Variants in PIEZO2 observed in about 807,000 individuals in gnomAD.
The protein encoded by PIEZO2 is piezo-type mechanosensitive ion channel component 2.
In PIEZO2, 172 loss-of-function variants were observed where a neutral mutation model predicts 337.3. That is an observed-to-expected ratio of 0.51 (90% CI 0.45 to 0.58). PIEZO2 has a LOEUF of 0.58. PIEZO2 is among the 20% of genes least tolerant of loss of function. The pLI is 0.00. For missense variants in PIEZO2, 3,028 were observed against 3,391.3 expected (o/e 0.89, Z 2.66); for synonymous variants, 1,251 against 1,228.5 (o/e 1.02, Z -0.38).
intron 2 of PIEZO2, among the ~76,000 whole-genome samples, chr18:11,036,013 T>G (rs141727215): frequency 1.3e-5 from 2 of 152,164 alleles, no homozygotes; most frequent in South Asian, 2.1e-4. Context: ...CTGGGATCTG[T>G]CAATACAAGC....
rs543049788 is a variant in PIEZO2 at position 11,135,582 on chromosome 18, C to T, written c.64+12943G>A. Among the ~76,000 whole-genome samples the T allele has an allele frequency of 3.3e-5, 5 of 152,294 alleles. No individual in the cohort carries two copies. In the South Asian group the frequency reaches 8.3e-4, roughly 25 times the overall value. On this transcript the variant is annotated intron_variant, in intron 1 of 55. Transcript: ENST00000674853. ...TGATTGATTTAGATGGAGTCTAGCT[C>T]TGTTGCCCAGGCTGGAGTGCAATGG...
rs1202547495 is a variant in PIEZO2 at position 10,726,253 on chromosome 18, G to A, written c.5029+5154C>T. 1 of 765,620 alleles carries A rather than the reference G, an allele frequency of 1.3e-6. No individual in the cohort carries two copies. Among genetic ancestry groups the A allele is most frequent in the African/African-American group, 1.7e-5 (1 of 58,288 alleles). 47.4% of individuals were successfully genotyped at this position (765,620 alleles called of 1,614,324 possible). ...TGGGGCTGGAAGAGCTTGTGTGCGAGCCTGTGTTCGGGAGCATGAGAATGG... is the reference window on the plus strand; with the variant it reads ...TGGGGCTGGAAGAGCTTGTGTGCGAACCTGTGTTCGGGAGCATGAGAATGG... On this transcript the variant is annotated intron_variant, in intron 36 of 55. Coordinates refer to ENST00000674853, the MANE Select transcript of PIEZO2 (RefSeq NM_001378183.1). This position sits in a 1 kb window ranked among gnomAD's most constrained non-coding sequence, Gnocchi z 5.9.
At chr18:10,725,581 C>T (rs1567989185) in intron 36 of PIEZO2, 2 of 1,355,132 alleles carry the variant, frequency 1.5e-6, no homozygotes, top group Middle Eastern at 2.7e-4. Flanking sequence ...CTCCTGAGGT[C>T]GGGGCTTTCC....
At chr18:10,965,913 G>A (rs1347148217) in intron 3 of PIEZO2, among the ~76,000 whole-genome samples, 1 of 152,278 alleles carries the variant, frequency 6.6e-6, no homozygotes, top group Non-Finnish European at 1.5e-5. Flanking sequence ...AGGTCCATGA[G>A]GGGAAGGATA....
chr18:10,928,550 A>G (rs1008822364), intron 3 of PIEZO2, among the ~76,000 whole-genome samples: 1 of 152,240 alleles, frequency 6.6e-6, no homozygotes, highest in African/African-American at 2.4e-5. Context: ...CATAAATATT[A>G]TAAATAAAAT....
At chr18:11,011,064 A>C (rs1162683233) in intron 2 of PIEZO2, among the ~76,000 whole-genome samples, 2 of 152,234 alleles carry the variant, frequency 1.3e-5, no homozygotes, top group African/African-American at 4.8e-5. Flanking sequence ...GTTGGCCCTT[A>C]ACCACTCTAT....
intron 36 of PIEZO2, among the ~76,000 whole-genome samples, chr18:10,720,190 G>T (rs2036198166): frequency 2.0e-5 from 3 of 146,984 alleles, no homozygotes; most frequent in South Asian, 2.1e-4. Flanking sequence ...TTCATATATA[G>T]AGAGAGGATA....
Position 10,855,300 on chromosome 18 carries a change from C to T in PIEZO2, c.917+53G>A, listed in dbSNP as rs1010522884. On this transcript the variant is annotated intron_variant, in intron 7 of 55. Coordinates refer to ENST00000674853, the MANE Select transcript of PIEZO2 (RefSeq NM_001378183.1). The surrounding 1 kb of genome is among the most constrained non-coding windows in gnomAD (Gnocchi z 4.9). Reference sequence around the variant, plus strand: ...AATTCACAATGCCAAACCAAGGTCCCAAAGGCGTGGGGGGACAACCTCTCC... The same window carrying T: ...AATTCACAATGCCAAACCAAGGTCCTAAAGGCGTGGGGGGACAACCTCTCC... The T allele has an allele frequency of 3.5e-5, 51 of 1,445,590 alleles. No individual in the cohort carries two copies. In the African/African-American group the frequency reaches 6.5e-4, roughly 18 times the overall value. The allele number at this position is 1,445,590 out of a possible 1,614,324, so 89.5% of individuals were successfully genotyped here.
At chr18:10,791,476 G>A in intron 13 of PIEZO2, 152 bp from the exon 14 acceptor site, 1 of 810,132 alleles carries the variant, frequency 1.2e-6, no homozygotes, top group Non-Finnish European at 1.7e-6. Flanking sequence ...CTTGACTTCA[G>A]CTGAGATTCA....
chr18:10,687,991 T>G (rs541376839), intron 49 of PIEZO2, among the ~76,000 whole-genome samples: 69 of 152,362 alleles, frequency 4.5e-4, no homozygotes, highest in South Asian at 1.9e-3. Flanking sequence ...TACTTTATTT[T>G]ATTTGATTTT....
intron 1 of PIEZO2, among the ~76,000 whole-genome samples, chr18:11,073,138 C>T (rs1338523656): frequency 6.6e-6 from 1 of 152,164 alleles, no homozygotes; most frequent in Non-Finnish European, 1.5e-5. Flanking sequence ...TCACAACCTT[C>T]TAGTTACCAT....
chr18:11,014,835 T>TGTGG (rs2036049380), intron 2 of PIEZO2, among the ~76,000 whole-genome samples: 1 of 134,098 alleles, frequency 7.5e-6, no homozygotes, highest in Non-Finnish European at 1.6e-5. Flanking sequence ...CATTCCTCAG[T>TGTGG]GGAGAACATG....
Position 10,724,248 on chromosome 18 carries a change from C to T in PIEZO2, c.5030-5989G>A, listed in dbSNP as rs2036435288. Among the ~76,000 whole-genome samples the T allele has an allele frequency of 6.6e-6, 1 of 152,092 alleles. No homozygotes were observed. The highest frequency in any genetic ancestry group is 2.4e-5 in the African/African-American group (1 of 41,402). ...GTGGCTCATGCGTTTAATTCCAGCA[C>T]TTTGGGAGGCTGAGGTGGGAGGATC... On this transcript the variant is annotated intron_variant, in intron 36 of 55. Coordinates refer to ENST00000674853, the MANE Select transcript of PIEZO2 (RefSeq NM_001378183.1). The surrounding 1 kb of genome is among the most constrained non-coding windows in gnomAD (Gnocchi z 5.8).
At chr18:11,138,191 A>G (rs1486591512) in intron 1 of PIEZO2, among the ~76,000 whole-genome samples, 1 of 152,246 alleles carries the variant, frequency 6.6e-6, no homozygotes, top group Non-Finnish European at 1.5e-5. Flanking sequence ...CCTGTGTGTT[A>G]TAGTCCTTGC....
At chr18:10,955,292 G>A (rs996463154) in intron 3 of PIEZO2, among the ~76,000 whole-genome samples, 1 of 152,202 alleles carries the variant, frequency 6.6e-6, no homozygotes, top group African/African-American at 2.4e-5. Flanking sequence ...TTGGGCTCAG[G>A]TAGGAAAACG....
rs200920431 is a variant in PIEZO2 at position 10,857,116 on chromosome 18, C to T, written c.588G>A (p.Thr196=). The change falls in exon 6 of 56, where the codon ACG becomes ACA. Residue 196 remains threonine, a synonymous_variant. Coordinates refer to ENST00000674853, the MANE Select transcript of PIEZO2 (RefSeq NM_001378183.1). ...DGVEGELEES[T]KLKMFRRLAS... ...CAAGCCTGCGGAACATTTTTAACTT[C>T]GTGCTTTCTTCCAACTCGCCTTCAA... 1.0e-4 allele frequency: 154 copies of T among 1,537,772 alleles called. No individual in the cohort carries two copies. Among genetic ancestry groups the T allele is most frequent in the East Asian group, 5.9e-4 (24 of 40,918 alleles).
Position 10,702,177 on chromosome 18 carries a change from C to T in PIEZO2, c.6259-6G>A. On this transcript the variant is annotated splice_polypyrimidine_tract_variant and splice_region_variant and intron_variant, in intron 42 of 55. Coordinates refer to ENST00000674853, the MANE Select transcript of PIEZO2 (RefSeq NM_001378183.1). ...TACTTGACTACAATTGCCACCTACG[C>T]ACAGATGACAGAAATTTTAAAACAT... The T allele has an allele frequency of 6.5e-7, 1 of 1,532,418 alleles. No homozygotes were observed. The allele number at this position is 1,532,418 out of a possible 1,614,324, so 94.9% of individuals were successfully genotyped here.
intron 35 of PIEZO2, among the ~76,000 whole-genome samples, 108 bp downstream of exon 35, chr18:10,735,124 C>A (rs141310654): frequency 1.3e-5 from 2 of 152,086 alleles, no homozygotes; most frequent in African/African-American, 4.8e-5. Context: ...CTTCATGGTA[C>A]CATCTATAGA....
chr18:10,831,808 G>GA (rs1316304206), intron 7 of PIEZO2, among the ~76,000 whole-genome samples: 3 of 151,924 alleles, frequency 2.0e-5, no homozygotes, highest in Non-Finnish European at 2.9e-5. Context: ...AATTAAAAAT[G>GA]AAAAAAATGT....
Sources: gnomAD v4.1 joint callset for allele counts (sites outside exome capture counted in the v4.1 genomes callset) on GRCh38, gnomAD v4.1.1 for gene constraint, Gnocchi (gnomAD v3.1) non-coding constraint, MANE v1.5 for transcripts, NCBI Gene and HGNC (gene_info 2026-07-23, HGNC 2026-07-21) for gene names.